ZNF385D: variants seen among roughly 807,000 people sequenced by gnomAD.
The protein encoded by ZNF385D is zinc finger protein 385D.
In ZNF385D, 15 loss-of-function variants were observed where a neutral mutation model predicts 35.8. The observed-to-expected ratio is 0.42, with a 90% CI of 0.28 to 0.64. ZNF385D has a LOEUF of 0.64. ZNF385D is among the 30% of genes least tolerant of loss of function. The pLI is 0.23. For missense variants in ZNF385D, 474 were observed against 494.6 expected, an observed-to-expected ratio of 0.96 and a Z score of 0.39; for synonymous variants, 212 against 186.8, an observed-to-expected ratio of 1.13 and a Z score of -1.10.
chr3:22,119,017 G>T lies in ZNF385D; in HGVS notation c.325+49800C>A, dbSNP rs558137451. 4.6e-5 allele frequency among the ~76,000 whole-genome samples: 7 copies of T among 152,084 alleles called. No individual in the cohort carries two copies. In the South Asian group the frequency reaches 1.0e-3, roughly 23 times the overall value. On this transcript the variant is annotated intron_variant, in intron 3 of 5. Transcript: ENST00000494108. ...CCTGCTATTGTACTGTTTTTTCAGGGATTACCTAATTCTAAAAAATTGAAT... is the reference window on the plus strand; with the variant it reads ...CCTGCTATTGTACTGTTTTTTCAGGTATTACCTAATTCTAAAAAATTGAAT...
At position 21,511,000 on chromosome 3, in the gene ZNF385D, T is replaced by A; in HGVS notation, c.300A>T (p.Lys100Asn). 6.2e-7 allele frequency: 1 copy of A among 1,614,056 alleles called. No individual in the cohort carries two copies. The highest frequency in any genetic ancestry group is 8.5e-7 in the Non-Finnish European group (1 of 1,179,972). Residue 100 changes from lysine (K) to asparagine (N), a missense_variant, in exon 4 of 8, where the codon AAA becomes AAT. Physicochemically the swap from Lys to Asn is moderately conservative, Grantham distance 94 (BLOSUM62 0). Transcript: ENST00000281523. Reference sequence around the variant, plus strand: ...TGAGCTTCTTGGCATGTTTCGTGCCTTTGTAGTGGGCCGCAGCCTGGCTCT... The same window carrying A: ...TGAGCTTCTTGGCATGTTTCGTGCCATTGTAGTGGGCCGCAGCCTGGCTCT... ...NSDSQAAAHYKGTKHAKKLKA... is the reference protein window; with the variant it reads ...NSDSQAAAHYNGTKHAKKLKA...
chr3:22,149,836 C>A (rs1421840490), intron 3 of ZNF385D, among the ~76,000 whole-genome samples: 4 of 151,836 alleles, frequency 2.6e-5, no homozygotes, highest in Admixed American at 2.0e-4. Flanking sequence ...AAGTCTCAGA[C>A]TTTTTTTTGT....
intron 1 of ZNF385D, among the ~76,000 whole-genome samples, chr3:21,740,550 A>G (rs1229132415): frequency 1.3e-5 from 2 of 152,168 alleles, no homozygotes; most frequent in South Asian, 2.1e-4. Flanking sequence ...GTAGAAAGGA[A>G]GGGTTCCCAG....
At chr3:21,992,300 A>G (rs962753134) in intron 3 of ZNF385D, among the ~76,000 whole-genome samples, 1 of 152,130 alleles carries the variant, frequency 6.6e-6, no homozygotes, top group Non-Finnish European at 1.5e-5. Flanking sequence ...AGCCTTCACT[A>G]TTTGTTCTGC....
chr3:21,975,676 A>C (rs1181432376), intron 3 of ZNF385D, among the ~76,000 whole-genome samples: 1 of 147,344 alleles, frequency 6.8e-6, no homozygotes, highest in African/African-American at 2.5e-5. Flanking sequence ...AACCCACAAA[A>C]ATATATACCT....
chr3:21,696,642 T>C (rs2067479881), intron 1 of ZNF385D, among the ~76,000 whole-genome samples: 1 of 152,226 alleles, frequency 6.6e-6, no homozygotes, highest in South Asian at 2.1e-4. Context: ...CATACCCATA[T>C]CCATCAGACA....
At chr3:21,786,833 C>T (rs915419097) in intron 3 of ZNF385D, among the ~76,000 whole-genome samples, 10 of 152,102 alleles carry the variant, frequency 6.6e-5, no homozygotes, top group African/African-American at 1.9e-4. Context: ...AAACCAGAAA[C>T]GAATTCCCAA....
intron 3 of ZNF385D, among the ~76,000 whole-genome samples, chr3:21,765,722 CAGAG>C (rs149537086): frequency 6.6e-6 from 1 of 151,378 alleles, no homozygotes; most frequent in Non-Finnish European, 1.5e-5. Flanking sequence ...CATACACACA[CAGAG>C]AGAGAAAGAG....
intron 2 of ZNF385D, among the ~76,000 whole-genome samples, chr3:22,206,141 A>C (rs1261738556): frequency 6.6e-6 from 1 of 152,060 alleles, no homozygotes; most frequent in East Asian, 1.9e-4. Flanking sequence ...TACTTACATC[A>C]GACAAAATAG....
chr3:22,365,839 C>T (rs953256735), intron 2 of ZNF385D, among the ~76,000 whole-genome samples: 15 of 152,030 alleles, frequency 9.9e-5, no homozygotes, highest in Admixed American at 7.9e-4. Context: ...GATAAAGCCC[C>T]TAGACATAGC....
chr3:22,339,593 T>C (rs1171608763), intron 2 of ZNF385D, among the ~76,000 whole-genome samples: 1 of 152,226 alleles, frequency 6.6e-6, no homozygotes, highest in African/African-American at 2.4e-5. Flanking sequence ...CTTTTCCATT[T>C]GATGCTCAGA....
At chr3:21,854,288 T>A (rs1320740914) in intron 3 of ZNF385D, among the ~76,000 whole-genome samples, 2 of 151,964 alleles carry the variant, frequency 1.3e-5, no homozygotes, top group Non-Finnish European at 2.9e-5. Context: ...AAGAAAACTT[T>A]CAATGCCCAC....
At chr3:22,233,996 A>G (rs957641380) in intron 2 of ZNF385D, among the ~76,000 whole-genome samples, 1 of 152,092 alleles carries the variant, frequency 6.6e-6, no homozygotes, top group Non-Finnish European at 1.5e-5. Context: ...CAAAGTTCAA[A>G]TACTTGAAAA....
At chr3:22,150,025 G>A (rs1705117723) in intron 3 of ZNF385D, among the ~76,000 whole-genome samples, 1 of 152,088 alleles carries the variant, frequency 6.6e-6, no homozygotes, top group Non-Finnish European at 1.5e-5. Flanking sequence ...ATGAAATAAT[G>A]AATTAAAATT....
At chr3:21,527,526 T>A (rs1708297295) in intron 3 of ZNF385D, among the ~76,000 whole-genome samples, 1 of 152,224 alleles carries the variant, frequency 6.6e-6, no homozygotes, top group Admixed American at 6.5e-5. Context: ...TAGAATGATT[T>A]ATTGGTTATC....
intron 1 of ZNF385D, among the ~76,000 whole-genome samples, chr3:21,715,352 G>C (rs906483858): frequency 3.3e-5 from 5 of 151,706 alleles, no homozygotes; most frequent in Non-Finnish European, 7.4e-5. Flanking sequence ...TGTGATATTT[G>C]TCTTTCTGTG....
chr3:21,834,794 G>T (rs932016576), intron 3 of ZNF385D, among the ~76,000 whole-genome samples: 2 of 149,094 alleles, frequency 1.3e-5, no homozygotes, highest in African/African-American at 5.0e-5. Flanking sequence ...GTTCCCCCAT[G>T]CTGTTTTTGG....
At chr3:21,795,093 T>C (rs1218342517) in intron 3 of ZNF385D, among the ~76,000 whole-genome samples, 1 of 152,186 alleles carries the variant, frequency 6.6e-6, no homozygotes, top group Non-Finnish European at 1.5e-5. Flanking sequence ...AGTTTTAATA[T>C]AAAAGAATTA....
rs199866352 is a variant in ZNF385D at position 22,120,130 on chromosome 3, G to A, written c.325+48687C>T. Among the ~76,000 whole-genome samples the A allele has an allele frequency of 3.0e-4, 46 of 151,542 alleles. 1 individual carries two copies. The highest frequency in any genetic ancestry group is 5.6e-4 in the Non-Finnish European group (38 of 67,906). ...CAGGTGTGATTCACCATGTCCTGCT[G>A]CATTTTTTTTTAATGTGGGGGACTT... On this transcript the variant is annotated intron_variant, in intron 3 of 5. Coordinates refer to the ZNF385D transcript ENST00000494108.
Sources: gnomAD v4.1 joint callset for allele counts (sites outside exome capture counted in the v4.1 genomes callset) on GRCh38, gnomAD v4.1.1 for gene constraint, MANE v1.5 for transcripts, NCBI Gene and HGNC (gene_info 2026-07-23, HGNC 2026-07-21) for gene names.